EFR3B: variants seen among roughly 807,000 people sequenced by gnomAD.
The protein encoded by EFR3B is protein EFR3 homolog B.
Under a neutral mutation model 104.7 loss-of-function variants are expected in EFR3B, and 64 were observed. The ratio of observed to expected loss-of-function variants is 0.61; its 90% CI spans 0.50 to 0.75. The LOEUF is 0.75. Among genes scored for constraint, EFR3B ranks in the 30% least tolerant of loss-of-function variants. The pLI is 0.00. For missense variants in EFR3B, 750 were observed against 1,078.5 expected (o/e 0.70, Z 4.27); for synonymous variants, 385 against 417.9 (o/e 0.92, Z 0.96).
At chr2:25,044,412 T>A (rs890046201) in intron 1 of EFR3B, among the ~76,000 whole-genome samples, 1 of 152,080 alleles carries the variant, frequency 6.6e-6, no homozygotes, top group Non-Finnish European at 1.5e-5. Context: ...CAGAAGTCAA[T>A]AGAGTGATGA....
chr2:25,127,247 A>G (rs1036140465), intron 5 of EFR3B, among the ~76,000 whole-genome samples: 4 of 151,878 alleles, frequency 2.6e-5, no homozygotes, highest in Admixed American at 6.6e-5. Flanking sequence ...TTAAATGACT[A>G]ATAGTCACTA....
rs563373263 is a variant in EFR3B at position 25,081,237 on chromosome 2, A to G, written c.8-10088A>G. The stretch of plus-strand genomic sequence containing the variant: ...TTTTGCTTCTTCTGGAGAGAAAACT[A>G]TCTTCACTCCTCCTTTGAGGCCACT... On this transcript the variant is annotated intron_variant, in intron 1 of 22. Transcript: ENST00000403714. 7.7e-5 allele frequency: 77 copies of G among 995,164 alleles called. 1 individual carries two copies. In the South Asian group the frequency reaches 8.0e-4, roughly 10 times the overall value. 61.6% of individuals were successfully genotyped at this position (995,164 alleles called of 1,614,324 possible).
intron 19 of EFR3B, chr2:25,147,981 T>C (rs1467339811): frequency 8.0e-6 from 1 of 124,540 alleles, no homozygotes; most frequent in Non-Finnish European, 1.6e-5. Context: ...GCTGAGATCA[T>C]ACCATAGTAC....
chr2:25,131,786 G>A lies in EFR3B; in HGVS notation c.1022G>A (p.Arg341Lys), dbSNP rs1670343278. 1 of 1,543,680 alleles carries A rather than the reference G, an allele frequency of 6.5e-7. No individual in the cohort carries two copies. The highest frequency in any genetic ancestry group is 1.4e-5 in the African/African-American group (1 of 72,936). Residue 341 changes from arginine (R) to lysine (K), a missense_variant, in exon 10 of 23, where the codon AGG becomes AAG. Coordinates refer to ENST00000403714, the MANE Select transcript of EFR3B (RefSeq NM_014971.2). This position sits in a 1 kb window ranked among gnomAD's most constrained non-coding sequence, Gnocchi z 7.6. ...CTGGAGATGTTCAACACGCTGCTGA[G>A]GCAGCTGCGGCTCAGCATCGACTAC... ...TVLEMFNTLL[R>K]QLRLSIDYAL...
At chr2:25,078,735 CA>C (rs1285902912) in intron 1 of EFR3B, among the ~76,000 whole-genome samples, 1 of 152,164 alleles carries the variant, frequency 6.6e-6, no homozygotes, top group African/African-American at 2.4e-5. Flanking sequence ...TAAGGTAATA[CA>C]GTGTGAAGGA....
chr2:25,077,377 T>A (rs1391747811), intron 1 of EFR3B, among the ~76,000 whole-genome samples: 1 of 152,208 alleles, frequency 6.6e-6, no homozygotes, highest in Non-Finnish European at 1.5e-5. Flanking sequence ...AACCTCTGTC[T>A]CCTAGGTTGA....
chr2:25,111,223 C>T (rs1435251342), intron 4 of EFR3B, among the ~76,000 whole-genome samples: 1 of 152,182 alleles, frequency 6.6e-6, no homozygotes, highest in African/African-American at 2.4e-5. Flanking sequence ...TAGGGTGTGG[C>T]CAGCCACCCC....
chr2:25,079,542 T>C (rs1210242909), intron 1 of EFR3B, among the ~76,000 whole-genome samples: 4 of 152,232 alleles, frequency 2.6e-5, no homozygotes, highest in African/African-American at 9.6e-5. Context: ...GTCCTAGTGC[T>C]TAGTGCAGAG....
At chr2:25,068,633 GT>G (rs34036647) in intron 1 of EFR3B, among the ~76,000 whole-genome samples, 17,142 of 143,500 alleles carry the variant, frequency 0.12, 998 homozygotes, top group East Asian at 0.24. Context: ...TTTTTTTTAT[GT>G]TTTTTTTTTT....
intron 3 of EFR3B, among the ~76,000 whole-genome samples, chr2:25,099,479 T>G (rs890644802): frequency 6.6e-6 from 1 of 151,920 alleles, no homozygotes. Flanking sequence ...TTGATAATAC[T>G]TTTATTTAAT....
At chr2:25,118,233 C>T (rs562052485) in intron 4 of EFR3B, among the ~76,000 whole-genome samples, 57 of 152,216 alleles carry the variant, frequency 3.7e-4, no homozygotes, top group African/African-American at 1.2e-3. Context: ...TGCCTGCCTC[C>T]GCCTCCAAAA....
chr2:25,104,719 G>A (rs917779776), intron 4 of EFR3B, among the ~76,000 whole-genome samples: 5 of 152,164 alleles, frequency 3.3e-5, no homozygotes, highest in African/African-American at 4.8e-5. Flanking sequence ...AGCAGGACAC[G>A]GGGCTTCTGG....
In EFR3B at chr2:25,137,213, C is replaced by T. The variant is rs886464819; in HGVS notation, c.1561-128C>T. On this transcript the variant is annotated intron_variant, in intron 14 of 22. Coordinates refer to ENST00000403714, the MANE Select transcript of EFR3B (RefSeq NM_014971.2). This position sits in a 1 kb window ranked among gnomAD's most constrained non-coding sequence, Gnocchi z 4.7. ...TGCCAGAGCCCGCTTTAAAGGCATC[C>T]CCTCCCCAAGGGAGGAGGGGGCACA... 2.8e-6 allele frequency: 3 copies of T among 1,088,690 alleles called. No homozygotes were observed. The African/African-American group carries it at 4.8e-5, about 17-fold the overall frequency. 67.4% of individuals were successfully genotyped at this position (1,088,690 alleles called of 1,614,324 possible).
At chr2:25,084,909 C>T (rs1312111353) in intron 1 of EFR3B, among the ~76,000 whole-genome samples, 1 of 152,158 alleles carries the variant, frequency 6.6e-6, no homozygotes, top group African/African-American at 2.4e-5. Flanking sequence ...GCAGGTTGGC[C>T]CTAAGCAGTT....
intron 1 of EFR3B, among the ~76,000 whole-genome samples, chr2:25,047,220 C>T (rs558024479): frequency 4.6e-5 from 7 of 152,256 alleles, no homozygotes; most frequent in South Asian, 2.1e-4. Context: ...CATCAATTAC[C>T]GCTCTGGTTT....
chr2:25,057,293 G>A (rs1371307815), intron 1 of EFR3B, among the ~76,000 whole-genome samples: 1 of 152,092 alleles, frequency 6.6e-6, no homozygotes, highest in Non-Finnish European at 1.5e-5. Context: ...TGCTTTGCAT[G>A]CATTCTAGTT....
intron 1 of EFR3B, among the ~76,000 whole-genome samples, chr2:25,063,240 G>A (rs531354594): frequency 7.6e-4 from 115 of 152,192 alleles, no homozygotes; most frequent in African/African-American, 2.6e-3. Flanking sequence ...GTGCCTGGCC[G>A]AAGGATTGAT....
intron 21 of EFR3B, 110 bp from the exon 22 acceptor site, chr2:25,153,602 G>A (rs1324961716): frequency 9.1e-7 from 1 of 1,094,554 alleles, no homozygotes; most frequent in Non-Finnish European, 1.4e-6. Flanking sequence ...GCCTTCCTAA[G>A]GCTGTGGCTG....
At chr2:25,070,991 C>T (rs143860190) in intron 1 of EFR3B, among the ~76,000 whole-genome samples, 1,609 of 152,352 alleles carry the variant, frequency 0.011, 20 homozygotes, top group Middle Eastern at 0.031. Flanking sequence ...GACGGAGTCT[C>T]GCTCTGTCGC....
Sources: allele counts gnomAD v4.1 joint callset (sites outside exome capture counted in the v4.1 genomes callset), GRCh38; gene constraint gnomAD v4.1.1; non-coding constraint Gnocchi (gnomAD v3.1); transcripts MANE v1.5; gene names NCBI Gene and HGNC (gene_info 2026-07-23, HGNC 2026-07-21).